The following CSMD1 variants were observed in gnomAD, a reference collection of about 807,000 sequenced individuals.
CSMD1 encodes CUB and Sushi multiple domains 1.
Under a neutral mutation model 417.5 loss-of-function variants are expected in CSMD1, and 213 were observed. That is an observed-to-expected ratio of 0.51 (90% CI 0.46 to 0.57). The LOEUF (loss-of-function observed/expected upper bound fraction) is 0.57. Ranked by LOEUF, CSMD1 falls within the 20% of genes least tolerant of loss-of-function variation. The probability of loss-of-function intolerance (pLI) is 0.00; values close to 1 mark genes in which losing one functional copy is unlikely to be tolerated. For synonymous variants in CSMD1, 2,862 were observed against 1,736.8 expected (o/e 1.65, Z -16.11); for missense variants, 6,923 against 4,529.7 (o/e 1.53, Z -15.17).
chr8:4,689,623 G>A (rs1048199743), intron 1 of CSMD1, among the ~76,000 whole-genome samples: 28 of 152,186 alleles, frequency 1.8e-4, no homozygotes, highest in African/African-American at 6.8e-4. Context: ...TCAGAGGACA[G>A]AAAAGGTGTA....
At chr8:4,357,749 T>C (rs1012202906) in intron 3 of CSMD1, among the ~76,000 whole-genome samples, 2 of 152,072 alleles carry the variant, frequency 1.3e-5, no homozygotes, top group African/African-American at 4.8e-5. Context: ...ATTTTAAAGG[T>C]ATATTGTAAA....
chr8:3,008,802 T>G (rs1808159802), intron 52 of CSMD1, among the ~76,000 whole-genome samples: 1 of 152,176 alleles, frequency 6.6e-6, no homozygotes, highest in African/African-American at 2.4e-5. Context: ...ACCACCACAC[T>G]GATTGTCAGT....
intron 1 of CSMD1, among the ~76,000 whole-genome samples, chr8:4,978,283 G>A (rs918971893): frequency 1.3e-5 from 2 of 152,138 alleles, no homozygotes; most frequent in Non-Finnish European, 2.9e-5. Flanking sequence ...AGGTATAGCA[G>A]CTTTTTCAAC....
chr8:4,243,342 A>G (rs999125020), intron 3 of CSMD1, among the ~76,000 whole-genome samples: 1 of 152,154 alleles, frequency 6.6e-6, no homozygotes, highest in Non-Finnish European at 1.5e-5. Context: ...TAAAGCTTTG[A>G]AAACCTATGC....
chr8:3,111,692 C>T (rs1156653493), intron 42 of CSMD1, among the ~76,000 whole-genome samples: 1 of 151,994 alleles, frequency 6.6e-6, no homozygotes, highest in East Asian at 1.9e-4. Context: ...ATCAGCCAGG[C>T]GTGGTGGTGC....
intron 25 of CSMD1, among the ~76,000 whole-genome samples, chr8:3,292,037 C>G (rs543115122): frequency 6.6e-6 from 1 of 151,886 alleles, no homozygotes; most frequent in Non-Finnish European, 1.5e-5. Context: ...TCTTTGTTCT[C>G]GTTGGTTTCA....
chr8:3,799,858 G>T (rs1332213856), intron 5 of CSMD1, among the ~76,000 whole-genome samples: 2 of 152,142 alleles, frequency 1.3e-5, no homozygotes, highest in African/African-American at 4.8e-5. Flanking sequence ...GAAGATCACA[G>T]TCCTGAATTT....
chr8:3,968,666 G>T (rs755676881), intron 5 of CSMD1, among the ~76,000 whole-genome samples: 3 of 152,098 alleles, frequency 2.0e-5, no homozygotes, highest in Admixed American at 6.5e-5. Context: ...AATCCCGAAA[G>T]CTGATAGTGT....
intron 3 of CSMD1, among the ~76,000 whole-genome samples, chr8:4,075,336 T>C (rs888853143): frequency 2.1e-4 from 32 of 152,244 alleles, no homozygotes; most frequent in African/African-American, 5.3e-4. Context: ...TAAGAGAATA[T>C]AGAGCTCTCT....
At chr8:3,900,875 C>T (rs1356872746) in intron 5 of CSMD1, among the ~76,000 whole-genome samples, 1 of 152,206 alleles carries the variant, frequency 6.6e-6, no homozygotes, top group Non-Finnish European at 1.5e-5. Context: ...CAGCTGCATG[C>T]CGTGCTCAGG....
intron 5 of CSMD1, among the ~76,000 whole-genome samples, chr8:3,757,619 T>C (rs535282224): frequency 6.6e-5 from 10 of 152,152 alleles, no homozygotes; most frequent in African/African-American, 1.9e-4. Flanking sequence ...TCCCAGCACT[T>C]TGGGATGCCA....
At chr8:4,477,858 A>C (rs1251231258) in intron 2 of CSMD1, among the ~76,000 whole-genome samples, 1 of 152,206 alleles carries the variant, frequency 6.6e-6, no homozygotes, top group Non-Finnish European at 1.5e-5. Flanking sequence ...AACTGGACAT[A>C]AATTCTGAAA....
intron 2 of CSMD1, among the ~76,000 whole-genome samples, chr8:4,554,286 G>A (rs534260872): frequency 1.4e-4 from 22 of 152,110 alleles, no homozygotes; most frequent in Non-Finnish European, 2.1e-4. Context: ...ACAGGCATGC[G>A]TCACGATGCC....
chr8:3,139,453 G>A (rs572817591), intron 41 of CSMD1, among the ~76,000 whole-genome samples: 5 of 152,168 alleles, frequency 3.3e-5, no homozygotes, highest in African/African-American at 9.7e-5. Context: ...CATGCTGGAT[G>A]TCACCAGGAG....
intron 10 of CSMD1, among the ~76,000 whole-genome samples, chr8:3,521,676 G>A (rs1202836603): frequency 6.6e-6 from 1 of 152,172 alleles, no homozygotes; most frequent in Non-Finnish European, 1.5e-5. Context: ...AACTGGAAGT[G>A]ATGTTAAAGG....
chr8:4,323,769 G>A (rs1041942744), intron 3 of CSMD1, among the ~76,000 whole-genome samples: 3 of 152,050 alleles, frequency 2.0e-5, no homozygotes, highest in Admixed American at 1.3e-4. Flanking sequence ...CCTTCCCCTG[G>A]CCAGACCTGC....
chr8:3,018,668 A>G lies in CSMD1; in HGVS notation c.7856-18T>C, dbSNP rs1479101334. On this transcript the variant is annotated intron_variant, in intron 51 of 69. Transcript: ENST00000635120. ...CGAGATAACTAGAAGGAAAAACAAT[A>G]AAATGAACATCAATTCAGTTATGCA... The G allele has an allele frequency of 6.2e-7, 1 of 1,604,756 alleles. No homozygotes were observed. The highest frequency in any genetic ancestry group is 2.2e-5 in the East Asian group (1 of 44,704).
intron 1 of CSMD1, among the ~76,000 whole-genome samples, chr8:4,708,532 G>C (rs1324700284): frequency 6.6e-6 from 1 of 152,102 alleles, no homozygotes; most frequent in African/African-American, 2.4e-5. Context: ...TAAAAATGAA[G>C]GTAAATTAAA....
chr8:4,045,497 G>A (rs181655694), intron 3 of CSMD1, among the ~76,000 whole-genome samples: 336 of 152,330 alleles, frequency 2.2e-3, no homozygotes, highest in African/African-American at 7.5e-3. Flanking sequence ...CCAGTTGGGG[G>A]AAGACCAGAT....
Sources: allele counts gnomAD v4.1 joint callset (sites outside exome capture counted in the v4.1 genomes callset), GRCh38; gene constraint gnomAD v4.1.1; transcripts MANE v1.5; gene names NCBI Gene and HGNC (gene_info 2026-07-23, HGNC 2026-07-21).